Variants in PDE8B observed in about 807,000 individuals in gnomAD.
PDE8B encodes the protein phosphodiesterase 8B, also known as high affinity cAMP-specific and IBMX-insensitive 3',5'-cyclic phosphodiesterase 8B.
In PDE8B, 26 loss-of-function variants were observed where a neutral mutation model predicts 101.3. That is an observed-to-expected ratio of 0.26 (90% CI 0.19 to 0.36). The LOEUF (loss-of-function observed/expected upper bound fraction) is 0.36. Among genes scored for constraint, PDE8B ranks in the 10% least tolerant of loss-of-function variants. The probability of loss-of-function intolerance (pLI) is 1.00; values close to 1 mark genes in which losing one functional copy is unlikely to be tolerated. For synonymous variants in PDE8B, 424 were observed against 429.3 expected, an observed-to-expected ratio of 0.99 and a Z score of 0.15; for missense variants, 810 against 1,163.1, an observed-to-expected ratio of 0.70 and a Z score of 4.42.
intron 10 of PDE8B, among the ~76,000 whole-genome samples, chr5:77,362,796 G>T (rs781642547): frequency 6.6e-6 from 1 of 152,206 alleles, no homozygotes; most frequent in Non-Finnish European, 1.5e-5. Context: ...TGTCTAGCAT[G>T]CTCTTCCTTC....
At chr5:77,420,548 G>A (rs890455873) in intron 19 of PDE8B, among the ~76,000 whole-genome samples, 1 of 152,060 alleles carries the variant, frequency 6.6e-6, no homozygotes, top group Admixed American at 6.6e-5. Flanking sequence ...GGCAGAGGTT[G>A]GCAAACTGGA....
chr5:77,339,657 T>C (rs1258808479), intron 6 of PDE8B, among the ~76,000 whole-genome samples: 1 of 152,162 alleles, frequency 6.6e-6, no homozygotes, highest in East Asian at 1.9e-4. Context: ...TATTATACAA[T>C]GCTAGAATAA....
rs1258562495 is a variant in PDE8B at position 77,229,761 on chromosome 5, A to G, written c.339+18497A>G. 2.6e-5 allele frequency among the ~76,000 whole-genome samples: 4 copies of G among 152,228 alleles called. No homozygotes were observed. In the South Asian group the frequency reaches 6.2e-4, roughly 24 times the overall value. ...TCATGGTTCATTCTCATTGAAGTAT[A>G]TATCAGTACTGCGTTCCTCTTGACT... is the stretch of plus-strand genomic sequence containing the variant. On this transcript the variant is annotated intron_variant, in intron 1 of 21. Transcript: ENST00000264917.
chr5:77,209,696 G>A (rs1747853866), upstream of PDE8B, among the ~76,000 whole-genome samples: 2 of 152,158 alleles, frequency 1.3e-5, 1 homozygote, highest in South Asian at 4.1e-4. Flanking sequence ...AGGCCTTGTT[G>A]ACTGCCCAGC....
chr5:77,296,330 T>C (rs929128958), intron 1 of PDE8B, among the ~76,000 whole-genome samples: 2 of 152,056 alleles, frequency 1.3e-5, no homozygotes, highest in African/African-American at 4.8e-5. Context: ...GGTATAAACA[T>C]GGCTCACTGC....
chr5:77,350,849 C>T (rs1475917501), intron 8 of PDE8B, among the ~76,000 whole-genome samples: 1 of 152,230 alleles, frequency 6.6e-6, no homozygotes, highest in Non-Finnish European at 1.5e-5. Flanking sequence ...GTCCTGGAAG[C>T]TGGGACAGAC....
At chr5:77,250,340 T>G (rs1236238296) in intron 1 of PDE8B, among the ~76,000 whole-genome samples, 1 of 152,214 alleles carries the variant, frequency 6.6e-6, no homozygotes, top group African/African-American at 2.4e-5. Context: ...TTGCCGTCGC[T>G]GCTAATGGAA....
intron 2 of PDE8B, among the ~76,000 whole-genome samples, chr5:77,323,414 G>T (rs1052455328): frequency 6.6e-6 from 1 of 152,150 alleles, no homozygotes; most frequent in African/African-American, 2.4e-5. Context: ...GGAATTATTG[G>T]GGAGGTTTAG....
chr5:77,127,234 G>A, the PDE8B span, among the ~76,000 whole-genome samples: 1 of 152,172 alleles, frequency 6.6e-6, no homozygotes, highest in African/African-American at 2.4e-5. Flanking sequence ...GGTGGGGCCT[G>A]TAATCCCCAT....
Position 77,386,865 on chromosome 5 carries a change from C to CTTTTTTTTTTTTTTTTTTTTTTTTTTTT in PDE8B, c.1168-13381_1168-13354dup, listed in dbSNP as rs59393259. On this transcript the variant is annotated intron_variant, in intron 10 of 21. Transcript: ENST00000264917. ...TTTTGCCTGTTAGTTGATGTAGTTT[C>CTTTTTTTTTTTTTTTTTTTTTTTTTTTT]TTTTTTTTTTTTTTTTTTTTTTTTT... is the stretch of plus-strand genomic sequence containing the variant. Among the ~76,000 whole-genome samples, 2 of 51,080 alleles carry CTTTTTTTTTTTTTTTTTTTTTTTTTTTT rather than the reference C, an allele frequency of 3.9e-5. 1 individual carries two copies. The highest frequency in any genetic ancestry group is 6.6e-5 in the Non-Finnish European group (2 of 30,446). 33.5% of individuals were successfully genotyped at this position (51,080 alleles called of 152,430 possible).
chr5:77,117,049 G>T, the PDE8B span, among the ~76,000 whole-genome samples: 1 of 152,180 alleles, frequency 6.6e-6, no homozygotes, highest in South Asian at 2.1e-4. Flanking sequence ...TTCCCTGCTT[G>T]GGGCACACAC....
intron 2 of PDE8B, among the ~76,000 whole-genome samples, chr5:77,321,013 G>C (rs1468074011): frequency 7.4e-6 from 1 of 135,344 alleles, no homozygotes; most frequent in East Asian, 2.0e-4. Context: ...GTATTAGAAG[G>C]ATAGTGCAAT....
At chr5:77,379,703 C>T (rs927456047) in intron 10 of PDE8B, among the ~76,000 whole-genome samples, 2 of 151,990 alleles carry the variant, frequency 1.3e-5, no homozygotes, top group Non-Finnish European at 2.9e-5. Flanking sequence ...TGCTTGGGTG[C>T]GGATTTTGAG....
At chr5:77,298,414 C>G (rs899826678) in intron 1 of PDE8B, among the ~76,000 whole-genome samples, 3 of 152,160 alleles carry the variant, frequency 2.0e-5, no homozygotes, top group African/African-American at 7.2e-5. Context: ...AATATTGTTA[C>G]CCACGTGACA....
At chr5:77,379,051 G>T (rs1485733014) in intron 10 of PDE8B, among the ~76,000 whole-genome samples, 1 of 152,120 alleles carries the variant, frequency 6.6e-6, no homozygotes. Context: ...GTGAGATAAG[G>T]ACACATAAAT....
At chr5:77,369,378 G>A (rs541658116) in intron 10 of PDE8B, among the ~76,000 whole-genome samples, 1 of 152,134 alleles carries the variant, frequency 6.6e-6, no homozygotes, top group Non-Finnish European at 1.5e-5. Context: ...GGTGGAAGGA[G>A]TATCACAGAG....
intron 1 of PDE8B, among the ~76,000 whole-genome samples, chr5:77,250,420 G>C (rs956605399): frequency 6.6e-6 from 1 of 152,014 alleles, no homozygotes; most frequent in South Asian, 2.1e-4. Flanking sequence ...TTGACCCTGG[G>C]GTATATGAGG....
chr5:77,270,352 T>C (rs1762541832), intron 1 of PDE8B, among the ~76,000 whole-genome samples: 1 of 152,260 alleles, frequency 6.6e-6, no homozygotes, highest in African/African-American at 2.4e-5. Flanking sequence ...CTAATAGTTT[T>C]TTGGTGAAAT....
rs1323780017 is a variant in PDE8B at position 77,378,044 on chromosome 5, ACACACC to A, written c.1168-22202_1168-22197del. On this transcript the variant is annotated intron_variant, in intron 10 of 21. Coordinates refer to ENST00000264917, the MANE Select transcript of PDE8B (RefSeq NM_003719.5). ...CACACACACACACACACACACACAC[ACACACC>A]CCCTGTTGGTTCTTTGTCTAGAGAA... is the stretch of plus-strand genomic sequence containing the variant. Among the ~76,000 whole-genome samples, 125 of 105,008 alleles carry A rather than the reference ACACACC, an allele frequency of 1.2e-3. 1 individual carries two copies. The highest frequency in any genetic ancestry group is 2.6e-3 in the Admixed American group (28 of 10,714). The allele number at this position is 105,008 out of a possible 152,430, so 68.9% of individuals were successfully genotyped here.
Sources: allele counts gnomAD v4.1 joint callset (sites outside exome capture counted in the v4.1 genomes callset), GRCh38; gene constraint gnomAD v4.1.1; transcripts MANE v1.5; gene names NCBI Gene and HGNC (gene_info 2026-07-23, HGNC 2026-07-21).